Variants in RBFOX3 observed in about 807,000 individuals in gnomAD.
RBFOX3 encodes RNA binding protein fox-1 homolog 3.
In RBFOX3, 17 loss-of-function variants were observed where a neutral mutation model predicts 48.7. The observed-to-expected ratio is 0.35, with a 90% confidence interval of 0.24 to 0.52. The LOEUF is 0.52. Ranked by LOEUF, RBFOX3 falls within the 20% of genes least tolerant of loss-of-function variation. The pLI is 0.94. For synonymous variants in RBFOX3, 212 were observed against 209.5 expected, an observed-to-expected ratio of 1.01 and a Z score of -0.10; for missense variants, 382 against 497.5, an observed-to-expected ratio of 0.77 and a Z score of 2.21.
At chr17:79,170,281 C>T (rs1467392090) in intron 4 of RBFOX3, among the ~76,000 whole-genome samples, 6 of 152,120 alleles carry the variant, frequency 3.9e-5, no homozygotes, top group Admixed American at 6.5e-5. Flanking sequence ...TCCAGGAGGG[C>T]CAAGTGTTCA....
chr17:79,364,087 A>T lies in RBFOX3; in HGVS notation c.-174-56263T>A, dbSNP rs1020689186. On this transcript the variant is annotated intron_variant, in intron 2 of 14. Coordinates refer to ENST00000693108, the MANE Select transcript of RBFOX3 (RefSeq NM_001350451.2). This position sits in a 1 kb window ranked among gnomAD's most constrained non-coding sequence, Gnocchi z 5.1. ...GAAACAGCCACCAGCCACCCACCCC[A>T]TGGATTTTCGGGACAGCACGCACCA... is the stretch of plus-strand genomic sequence containing the variant. 1.3e-5 allele frequency among the ~76,000 whole-genome samples: 2 copies of T among 152,062 alleles called. No homozygotes were observed.
At chr17:79,098,361 T>C (rs2075792197) in intron 9 of RBFOX3, 1 of 153,488 alleles carries the variant, frequency 6.5e-6, no homozygotes, top group African/African-American at 2.4e-5. Context: ...GCATTTGGAC[T>C]GGGAATGATA....
intron 4 of RBFOX3, among the ~76,000 whole-genome samples, chr17:79,162,394 G>A (rs573553517): frequency 2.6e-5 from 4 of 152,260 alleles, no homozygotes; most frequent in South Asian, 2.1e-4. Flanking sequence ...GTGGAGTGCC[G>A]CGCCCAGCCC....
chr17:79,131,966 C>A (rs2039021468), intron 4 of RBFOX3, among the ~76,000 whole-genome samples: 1 of 152,288 alleles, frequency 6.6e-6, no homozygotes, highest in African/African-American at 2.4e-5. Context: ...TCACTGCATA[C>A]AAATCATAAA....
rs566147247 is a variant in RBFOX3, at chr17:79,175,503, G to A, written c.-33-59755C>T. On this transcript the variant is annotated intron_variant, in intron 4 of 14. Transcript: ENST00000693108. ...CACTGGCCGAGGGTGGGGTGACTGG[G>A]GTCCTTTCCCGCGGGCGTGCTGCCC... Among the ~76,000 whole-genome samples, 6 of 152,358 alleles carry A rather than the reference G, an allele frequency of 3.9e-5. No individual in the cohort carries two copies. The South Asian group carries it at 1.0e-3, about 26-fold the overall frequency.
chr17:79,453,141 C>A (rs1433352977), intron 2 of RBFOX3, among the ~76,000 whole-genome samples: 1 of 152,246 alleles, frequency 6.6e-6, no homozygotes, highest in African/African-American at 2.4e-5. Flanking sequence ...TTCTGTAAAC[C>A]CGGGATGAAA....
intron 3 of RBFOX3, among the ~76,000 whole-genome samples, chr17:79,244,254 C>G (rs1186392145): frequency 6.6e-6 from 1 of 152,010 alleles, no homozygotes; most frequent in Non-Finnish European, 1.5e-5. Flanking sequence ...AGGATGGAGG[C>G]GGAGATTGGA....
At chr17:79,181,716 TC>T (rs1441486871) in intron 4 of RBFOX3, among the ~76,000 whole-genome samples, 3 of 152,144 alleles carry the variant, frequency 2.0e-5, no homozygotes, top group Admixed American at 2.0e-4. Flanking sequence ...ATCACACAGT[TC>T]CCCTGTCCCT....
At position 79,385,161 on chromosome 17, in the gene RBFOX3, G is replaced by A. The variant is rs543591019; in HGVS notation, c.-174-77337C>T. Among the ~76,000 whole-genome samples, 12 of 152,324 alleles carry A rather than the reference G, an allele frequency of 7.9e-5. No homozygotes were observed. The South Asian group carries it at 2.5e-3, about 32-fold the overall frequency. ...GTCCCAAAACACCTAACGTGCATGG[G>A]AAATAACTGGGAAGGGCAGAGACGG... On this transcript the variant is annotated intron_variant, in intron 2 of 14. Coordinates refer to ENST00000693108, the MANE Select transcript of RBFOX3 (RefSeq NM_001350451.2).
chr17:79,489,861 A>C (rs2080237541), intron 1 of RBFOX3, among the ~76,000 whole-genome samples: 6 of 152,192 alleles, frequency 3.9e-5, no homozygotes, highest in African/African-American at 1.2e-4. Flanking sequence ...CCATCACCCC[A>C]ATTCCTCCTC....
At chr17:79,250,858 C>T (rs1012244514) in intron 3 of RBFOX3, among the ~76,000 whole-genome samples, 1 of 134,820 alleles carries the variant, frequency 7.4e-6, no homozygotes, top group African/African-American at 2.7e-5. Context: ...CCCTGAGTTT[C>T]GCTCTGCAGT....
intron 2 of RBFOX3, among the ~76,000 whole-genome samples, chr17:79,394,993 C>G (rs1411349149): frequency 6.6e-6 from 1 of 152,186 alleles, no homozygotes; most frequent in Non-Finnish European, 1.5e-5. Context: ...GGGTTAAGTG[C>G]AGCCTTCCAG....
intron 1 of RBFOX3, among the ~76,000 whole-genome samples, chr17:79,500,045 C>A (rs1005859877): frequency 2.1e-4 from 32 of 152,224 alleles, no homozygotes; most frequent in African/African-American, 7.7e-4. Flanking sequence ...CGAGAAGAAG[C>A]CTTGTATGTT....
At chr17:79,533,031 G>A (rs1352134673) in intron 1 of RBFOX3, among the ~76,000 whole-genome samples, 2 of 152,368 alleles carry the variant, frequency 1.3e-5, no homozygotes, top group East Asian at 1.9e-4. Context: ...CGCTTGTCCT[G>A]TCTCAAGTGC....
At chr17:79,167,259 G>A (rs954976323) in intron 4 of RBFOX3, among the ~76,000 whole-genome samples, 1 of 152,074 alleles carries the variant, frequency 6.6e-6, no homozygotes, top group Non-Finnish European at 1.5e-5. Flanking sequence ...CAGGCTCGGG[G>A]AGTGCTAGGC....
intron 4 of RBFOX3, among the ~76,000 whole-genome samples, chr17:79,158,989 C>T (rs571249094): frequency 1.3e-5 from 2 of 152,302 alleles, no homozygotes; most frequent in South Asian, 2.1e-4. Flanking sequence ...GTATACTAAG[C>T]GCTTTCATAC....
intron 13 of RBFOX3, 115 bp from the exon 14 acceptor site, chr17:79,094,644 T>A (rs1272230741): frequency 1.6e-6 from 1 of 624,938 alleles, no homozygotes; most frequent in Non-Finnish European, 2.5e-6. Flanking sequence ...TGTACCGAGG[T>A]CCCATCTGCA....
At chr17:79,365,158 C>T (rs1051019158) in intron 2 of RBFOX3, among the ~76,000 whole-genome samples, 1 of 152,168 alleles carries the variant, frequency 6.6e-6, no homozygotes, top group African/African-American at 2.4e-5. Flanking sequence ...CTCTCATGCA[C>T]ATGCACACGG....
At chr17:79,125,616 C>T (rs1200313781) in intron 4 of RBFOX3, among the ~76,000 whole-genome samples, 4 of 152,246 alleles carry the variant, frequency 2.6e-5, no homozygotes, top group Admixed American at 6.5e-5. Context: ...GAGCCCCTCC[C>T]GCACGGCCTG....
Sources: gnomAD v4.1 joint callset for allele counts (sites outside exome capture counted in the v4.1 genomes callset) on GRCh38, gnomAD v4.1.1 for gene constraint, Gnocchi (gnomAD v3.1) non-coding constraint, MANE v1.5 for transcripts, NCBI Gene and HGNC (gene_info 2026-07-23, HGNC 2026-07-21) for gene names.